Variants in PLCL1 observed in about 807,000 individuals in gnomAD.
The protein encoded by PLCL1 is inactive phospholipase C-like protein 1.
PLCL1 carries 41 observed loss-of-function variants against 84.4 expected under a neutral mutation model. That is an observed-to-expected ratio of 0.49 (90% CI 0.38 to 0.63). The LOEUF is 0.63. PLCL1 is among the 30% of genes least tolerant of loss of function. The pLI, the probability that PLCL1 is intolerant of heterozygous loss-of-function variation, is 0.00. For synonymous variants in PLCL1, 490 were observed against 488.3 expected, an observed-to-expected ratio of 1.00 and a Z score of -0.05; for missense variants, 1,206 against 1,367.8, an observed-to-expected ratio of 0.88 and a Z score of 1.87.
In PLCL1 at chr2:198,147,520, GA is replaced by G. The variant is rs1251455283; in HGVS notation, c.*559del. 2.0e-5 allele frequency: 3 copies of G among 152,214 alleles called. No individual in the cohort carries two copies. The highest frequency in any genetic ancestry group is 3.4e-3 in the Middle Eastern group (1 of 294). The allele number at this position is 152,214 out of a possible 1,614,324, so 9.4% of individuals were successfully genotyped here. A position where few individuals can be genotyped will look rare whatever the true frequency, so the allele number is the denominator to read the frequency against. ...AGATTAGAAAAATTCCTAAGAATCA[GA>G]GTAGAAATAAAAGTGAATGAAAGAT... On this transcript the variant is annotated 3_prime_UTR_variant, in exon 6 of 6. Coordinates refer to ENST00000428675, the MANE Select transcript of PLCL1 (RefSeq NM_006226.4).
chr2:197,928,519 T>C lies in PLCL1; in HGVS notation c.240+123180T>C, dbSNP rs6740559. ...TCTGTGCTAACATTATTACCACTGG[T>C]ATAGTTTTTGCTCTGAAGATTTATG... On this transcript the variant is annotated intron_variant, in intron 1 of 5. Transcript: ENST00000428675. Among the ~76,000 whole-genome samples the C allele has an allele frequency of 3.5e-3, 528 of 152,332 alleles. 4 individuals carry two copies. Among genetic ancestry groups the C allele is most frequent in the African/African-American group, 0.012 (490 of 41,578 alleles).
chr2:197,988,457 G>A (rs897137947), intron 1 of PLCL1, among the ~76,000 whole-genome samples: 2 of 152,146 alleles, frequency 1.3e-5, no homozygotes, highest in African/African-American at 4.8e-5. Flanking sequence ...CCACCTATAA[G>A]TGAGAACATA....
At chr2:197,885,598 A>C (rs934415754) in intron 1 of PLCL1, among the ~76,000 whole-genome samples, 11 of 152,214 alleles carry the variant, frequency 7.2e-5, no homozygotes, top group African/African-American at 2.7e-4. Context: ...ATCCCATGCA[A>C]GGTCCCGTCA....
At chr2:197,848,164 GCTT>G (rs1458180379) in intron 1 of PLCL1, among the ~76,000 whole-genome samples, 4 of 152,148 alleles carry the variant, frequency 2.6e-5, no homozygotes, top group Non-Finnish European at 5.9e-5. Flanking sequence ...AAACAGATGA[GCTT>G]CTGAAATTTC....
chr2:197,840,616 A>T (rs954016056), intron 1 of PLCL1, among the ~76,000 whole-genome samples: 1 of 152,116 alleles, frequency 6.6e-6, no homozygotes, highest in African/African-American at 2.4e-5. Flanking sequence ...GAAAGGGCAA[A>T]TCCTACTCTC....
At chr2:197,902,772 C>T (rs1247914000) in intron 1 of PLCL1, among the ~76,000 whole-genome samples, 3 of 152,138 alleles carry the variant, frequency 2.0e-5, no homozygotes, top group Non-Finnish European at 4.4e-5. Flanking sequence ...TGGGAATGAA[C>T]TTCTCTGATT....
chr2:197,908,529 G>A (rs1353200162), intron 1 of PLCL1, among the ~76,000 whole-genome samples: 3 of 152,192 alleles, frequency 2.0e-5, no homozygotes, highest in African/African-American at 7.2e-5. Flanking sequence ...TCAAGCCTCA[G>A]AAGAAATTTA....
At chr2:197,895,313 AT>A (rs1360843920) in intron 1 of PLCL1, among the ~76,000 whole-genome samples, 1 of 152,032 alleles carries the variant, frequency 6.6e-6, no homozygotes, top group Non-Finnish European at 1.5e-5. Flanking sequence ...TTCTAGAGCC[AT>A]TTTGAAAGGA....
At chr2:197,960,795 A>G (rs1689603805) in intron 1 of PLCL1, among the ~76,000 whole-genome samples, 1 of 152,134 alleles carries the variant, frequency 6.6e-6, no homozygotes. Context: ...AATTAATTCA[A>G]TCAGCCATAT....
intron 1 of PLCL1, among the ~76,000 whole-genome samples, chr2:198,001,399 A>C (rs1448353656): frequency 6.6e-6 from 1 of 152,210 alleles, no homozygotes; most frequent in African/African-American, 2.4e-5. Flanking sequence ...CAAAGTGAAC[A>C]TACTTGTGTA....
At chr2:198,056,260 G>T (rs564089054) in intron 1 of PLCL1, among the ~76,000 whole-genome samples, 1 of 152,074 alleles carries the variant, frequency 6.6e-6, no homozygotes, top group Non-Finnish European at 1.5e-5. Flanking sequence ...CATCAGGAAG[G>T]CTTTTGGTTT....
Position 198,103,942 on chromosome 2 carries a change from T to G in PLCL1, c.3105+6T>G. On this transcript the variant is annotated splice_donor_region_variant and intron_variant, in intron 5 of 5. Coordinates refer to ENST00000428675, the MANE Select transcript of PLCL1 (RefSeq NM_006226.4). ...GGAACATTACAGTATTGAAGGTAGA[T>G]GAAACACTCAGATGTCCCCTGTGCC... is the stretch of plus-strand genomic sequence containing the variant. 6.8e-7 allele frequency: 1 copy of G among 1,462,522 alleles called. No homozygotes were observed. The highest frequency in any genetic ancestry group is 9.5e-7 in the Non-Finnish European group (1 of 1,054,586). 90.6% of individuals were successfully genotyped at this position (1,462,522 alleles called of 1,614,324 possible).
intron 5 of PLCL1, among the ~76,000 whole-genome samples, chr2:198,112,684 T>C (rs1224524590): frequency 6.6e-6 from 1 of 151,920 alleles, no homozygotes. Context: ...TTTTTGTCTA[T>C]TAAACGTTTA....
At chr2:197,913,209 A>AT (rs1363127857) in intron 1 of PLCL1, among the ~76,000 whole-genome samples, 1 of 152,188 alleles carries the variant, frequency 6.6e-6, no homozygotes, top group Non-Finnish European at 1.5e-5. Flanking sequence ...AAGAAAGTCA[A>AT]TGTGAAAACA....
At chr2:197,950,670 C>T (rs1340622180) in intron 1 of PLCL1, among the ~76,000 whole-genome samples, 1 of 152,062 alleles carries the variant, frequency 6.6e-6, no homozygotes, top group Non-Finnish European at 1.5e-5. Flanking sequence ...GAAATATTTA[C>T]AATTGCTAAT....
intron 1 of PLCL1, among the ~76,000 whole-genome samples, chr2:198,027,984 C>T (rs1054733012): frequency 1.3e-5 from 2 of 152,078 alleles, no homozygotes; most frequent in African/African-American, 4.8e-5. Context: ...CAGTTATGCA[C>T]TACCATGCTT....
At chr2:197,917,610 G>T (rs1438454407) in intron 1 of PLCL1, among the ~76,000 whole-genome samples, 1 of 152,154 alleles carries the variant, frequency 6.6e-6, no homozygotes, top group Non-Finnish European at 1.5e-5. Flanking sequence ...GAACCTTAAT[G>T]TATGCAAATG....
chr2:197,910,130 A>C (rs555295643), intron 1 of PLCL1, among the ~76,000 whole-genome samples: 154 of 152,338 alleles, frequency 1.0e-3, no homozygotes, highest in African/African-American at 3.6e-3. Context: ...TAGGTGGGTT[A>C]ATGTATACAA....
At chr2:197,893,784 A>G (rs1480468040) in intron 1 of PLCL1, among the ~76,000 whole-genome samples, 2 of 150,938 alleles carry the variant, frequency 1.3e-5, no homozygotes, top group East Asian at 3.8e-4. Flanking sequence ...AATAGCTTCA[A>G]GCAACAGAAG....
Sources: gnomAD v4.1 joint callset for allele counts (sites outside exome capture counted in the v4.1 genomes callset) on GRCh38, gnomAD v4.1.1 for gene constraint, MANE v1.5 for transcripts, NCBI Gene and HGNC (gene_info 2026-07-23, HGNC 2026-07-21) for gene names.